The following RASA3 variants were observed in gnomAD, a reference collection of about 807,000 sequenced individuals.
RASA3 encodes the protein ras GTPase-activating protein 3.
RASA3 carries 73 observed loss-of-function variants against 110.0 expected under a neutral mutation model. The observed-to-expected ratio is 0.66, with a 90% confidence interval of 0.55 to 0.81. The LOEUF (loss-of-function observed/expected upper bound fraction) is 0.81, where lower values mean the gene tolerates loss of function less well. RASA3 is among the 30% of genes least tolerant of loss of function. The probability of loss-of-function intolerance (pLI) is 0.00; values close to 1 mark genes in which losing one functional copy is unlikely to be tolerated. For missense variants in RASA3, 976 were observed against 1,113.2 expected, an observed-to-expected ratio of 0.88 and a Z score of 1.75; for synonymous variants, 500 against 451.4, an observed-to-expected ratio of 1.11 and a Z score of -1.37.
chr13:114,057,569 G>A lies in RASA3; in HGVS notation c.174-5414C>T. 4 of 947,788 alleles carry A rather than the reference G, an allele frequency of 4.2e-6. No homozygotes were observed. The highest frequency in any genetic ancestry group is 5.0e-6 in the Non-Finnish European group (4 of 795,814). 58.7% of individuals were successfully genotyped at this position (947,788 alleles called of 1,614,324 possible). ...TCCAGGGACAGTGGAGGCCCCCACA[G>A]GAAGGAAACCTCTCCCCACAATGAC... On this transcript the variant is annotated intron_variant, in intron 2 of 23. Coordinates refer to ENST00000334062, the MANE Select transcript of RASA3 (RefSeq NM_007368.4). This position sits in a 1 kb window ranked among gnomAD's most constrained non-coding sequence, Gnocchi z 5.0.
intron 1 of RASA3, among the ~76,000 whole-genome samples, chr13:114,081,382 C>T (rs1043081332): frequency 2.0e-5 from 3 of 152,226 alleles, no homozygotes; most frequent in Non-Finnish European, 2.9e-5. Flanking sequence ...ACTCTCAAGG[C>T]GCGGGGGCCG....
In RASA3 at chr13:114,012,000, C is replaced by T. The variant is rs954550650; in HGVS notation, c.1513-752G>A. 2.6e-5 allele frequency among the ~76,000 whole-genome samples: 4 copies of T among 152,042 alleles called. No individual in the cohort carries two copies. The highest frequency in any genetic ancestry group is 9.7e-5 in the African/African-American group (4 of 41,364). ...CATCTCCTTCCAGCTCTGCCACCCGCACGTGCAACACGGTCACCCCAGATC... is the reference window on the plus strand; with the variant it reads ...CATCTCCTTCCAGCTCTGCCACCCGTACGTGCAACACGGTCACCCCAGATC... On this transcript the variant is annotated intron_variant, in intron 15 of 23. Transcript: ENST00000334062. The surrounding 1 kb of genome is among the most constrained non-coding windows in gnomAD (Gnocchi z 4.8).
chr13:114,046,983 G>A (rs971038505), intron 3 of RASA3, among the ~76,000 whole-genome samples: 8 of 152,088 alleles, frequency 5.3e-5, no homozygotes, highest in Non-Finnish European at 1.2e-4. Context: ...TGCTTTCCAG[G>A]AGAAAACCGC....
chr13:114,039,861 C>T (rs2054360542), intron 4 of RASA3, among the ~76,000 whole-genome samples: 1 of 152,232 alleles, frequency 6.6e-6, no homozygotes, highest in Non-Finnish European at 1.5e-5. Flanking sequence ...CCGGGGTGAG[C>T]CCCAGTCAGC....
intron 20 of RASA3, among the ~76,000 whole-genome samples, chr13:113,998,754 C>T (rs377703758): frequency 6.6e-6 from 1 of 152,252 alleles, no homozygotes; most frequent in African/African-American, 2.4e-5. Flanking sequence ...AAACCGAAGG[C>T]CTGCACGCCT....
In RASA3 at chr13:114,011,518, C is replaced by T. The variant is rs183586231; in HGVS notation, c.1513-270G>A. On this transcript the variant is annotated intron_variant, in intron 15 of 23. Transcript: ENST00000334062. The surrounding 1 kb of genome is among the most constrained non-coding windows in gnomAD (Gnocchi z 4.8). Reference sequence around the variant, plus strand: ...CAGCGTGCAGGGTGCATCTCAAAGTCGAAAGCATCAGGTGGGGTCATGGCT... The same window carrying T: ...CAGCGTGCAGGGTGCATCTCAAAGTTGAAAGCATCAGGTGGGGTCATGGCT... Among the ~76,000 whole-genome samples, 180 of 152,178 alleles carry T rather than the reference C, an allele frequency of 1.2e-3. No individual in the cohort carries two copies. The highest frequency in any genetic ancestry group is 4.2e-3 in the African/African-American group (175 of 41,518).
At chr13:113,989,380 A>C in intron 22 of RASA3, among the ~76,000 whole-genome samples, 1 of 119,596 alleles carries the variant, frequency 8.4e-6, no homozygotes, top group Non-Finnish European at 1.7e-5. Flanking sequence ...TCCACCCATC[A>C]CTCACCCATC....
At chr13:114,126,748 G>A (rs2080455995) in intron 1 of RASA3, among the ~76,000 whole-genome samples, 1 of 152,224 alleles carries the variant, frequency 6.6e-6, no homozygotes, top group Non-Finnish European at 1.5e-5. Context: ...TCTGAGCGGG[G>A]GAAGTGCCTG....
intron 3 of RASA3, among the ~76,000 whole-genome samples, chr13:114,043,178 C>A (rs926432528): frequency 1.3e-5 from 2 of 152,196 alleles, no homozygotes; most frequent in African/African-American, 2.4e-5. Flanking sequence ...AGCTCCAGAC[C>A]CTATGGGACA....
intron 13 of RASA3, among the ~76,000 whole-genome samples, chr13:114,015,956 G>A (rs1219352446): frequency 6.6e-6 from 1 of 152,142 alleles, no homozygotes; most frequent in Non-Finnish European, 1.5e-5. Flanking sequence ...AGGGGAGGAA[G>A]AGCTGGCCGG....
At position 114,040,954 on chromosome 13, in the gene RASA3, T is replaced by C. The variant is rs772910200; in HGVS notation, c.372+46A>G. On this transcript the variant is annotated intron_variant, in intron 4 of 23. Coordinates refer to ENST00000334062, the MANE Select transcript of RASA3 (RefSeq NM_007368.4). ...GAGCCGGGCCCGTCTCGAAGCCCCA[T>C]GGTGTCCCAGGGCTCTGGTTTCCGG... 9.5e-6 allele frequency: 15 copies of C among 1,582,878 alleles called. No homozygotes were observed. In the East Asian group the frequency reaches 2.9e-4, roughly 31 times the overall value.
At chr13:114,052,229 G>T in intron 2 of RASA3, 74 bp from the exon 3 acceptor site, 2 of 995,380 alleles carry the variant, frequency 2.0e-6, no homozygotes, top group Non-Finnish European at 3.1e-6. Context: ...ACACACGTGT[G>T]GTCTTAGTTT....
chr13:114,057,610 C>A lies in RASA3; in HGVS notation c.174-5455G>T. 1 of 757,582 alleles carries A rather than the reference C, an allele frequency of 1.3e-6. No homozygotes were observed. 46.9% of individuals were successfully genotyped at this position (757,582 alleles called of 1,614,324 possible). A position where few individuals can be genotyped will look rare whatever the true frequency, so the allele number is the denominator to read the frequency against. ...CCACAATGACTGTGCACAGAGCCAG[C>A]CTGACACCCAAGGCCACGATGCCAT... On this transcript the variant is annotated intron_variant, in intron 2 of 23. Coordinates refer to ENST00000334062, the MANE Select transcript of RASA3 (RefSeq NM_007368.4). This position sits in a 1 kb window ranked among gnomAD's most constrained non-coding sequence, Gnocchi z 5.0.
At chr13:114,063,873 A>C (rs1265326167) in intron 2 of RASA3, among the ~76,000 whole-genome samples, 14 of 152,188 alleles carry the variant, frequency 9.2e-5, no homozygotes, top group Admixed American at 9.2e-4. Flanking sequence ...GGTGGCAAAA[A>C]CCTGCTTAAA....
intron 4 of RASA3, among the ~76,000 whole-genome samples, chr13:114,039,972 GCCAGGCAACAGCCCGC>G (rs1245883123): frequency 6.6e-6 from 1 of 152,252 alleles, no homozygotes; most frequent in Non-Finnish European, 1.5e-5. Context: ...GGTGCCGCGT[GCCAGGCAACAGCCCGC>G]CCAGCCAACC....
In RASA3 at chr13:113,992,662, T is replaced by G; in HGVS notation, c.2142-74A>C. 6 of 1,142,642 alleles carry G rather than the reference T, an allele frequency of 5.3e-6. No homozygotes were observed. The South Asian group carries it at 7.8e-5, about 15-fold the overall frequency. 70.8% of individuals were successfully genotyped at this position (1,142,642 alleles called of 1,614,324 possible). A position where few individuals can be genotyped will look rare whatever the true frequency, so the allele number is the denominator to read the frequency against. ...ATGCTTTTAATAATGACATTCATTT[T>G]TAAAATGTCACTGAAGAAAGACAAC... On this transcript the variant is annotated intron_variant, in intron 21 of 23. Coordinates refer to ENST00000334062, the MANE Select transcript of RASA3 (RefSeq NM_007368.4).
chr13:114,072,618 CA>C (rs1250345008), intron 2 of RASA3, among the ~76,000 whole-genome samples: 1 of 152,180 alleles, frequency 6.6e-6, no homozygotes, highest in Non-Finnish European at 1.5e-5. Flanking sequence ...CGAGTCCACG[CA>C]GGGGGACCGC....
At chr13:114,081,434 C>T (rs1185600728) in intron 1 of RASA3, among the ~76,000 whole-genome samples, 1 of 152,230 alleles carries the variant, frequency 6.6e-6, no homozygotes, top group African/African-American at 2.4e-5. Context: ...AGACCACGGC[C>T]ACCAGCACAT....
At chr13:114,066,430 C>T (rs937695224) in intron 2 of RASA3, among the ~76,000 whole-genome samples, 16 of 152,144 alleles carry the variant, frequency 1.1e-4, no homozygotes, top group African/African-American at 3.4e-4. Flanking sequence ...AGAGGAGGCC[C>T]GGGCAGGAGG....
Sources: gnomAD v4.1 joint callset for allele counts (sites outside exome capture counted in the v4.1 genomes callset) on GRCh38, gnomAD v4.1.1 for gene constraint, Gnocchi (gnomAD v3.1) non-coding constraint, MANE v1.5 for transcripts, NCBI Gene and HGNC (gene_info 2026-07-23, HGNC 2026-07-21) for gene names.